Variants in RNF180 observed in about 807,000 individuals in gnomAD.
RNF180 encodes the protein E3 ubiquitin-protein ligase RNF180.
In RNF180, 38 loss-of-function variants were observed where a neutral mutation model predicts 59.2. That is an observed-to-expected ratio of 0.64 (90% confidence interval 0.50 to 0.84). RNF180 has a LOEUF of 0.84. Among genes scored for constraint, RNF180 ranks in the 40% least tolerant of loss-of-function variants. The pLI is 0.00. For missense variants in RNF180, 705 were observed against 700.9 expected (o/e 1.01, Z -0.07); for synonymous variants, 262 against 240.3 (o/e 1.09, Z -0.84).
At position 64,315,622 on chromosome 5, in the gene RNF180, T is replaced by C. The variant is rs551110009; in HGVS notation, c.1228-9564T>C. Among the ~76,000 whole-genome samples, 7 of 147,374 alleles carry C rather than the reference T, an allele frequency of 4.7e-5. No individual in the cohort carries two copies. The East Asian group carries it at 1.4e-3, about 30-fold the overall frequency. On this transcript the variant is annotated intron_variant, in intron 5 of 7. Transcript: ENST00000389100. ...AGCCAGGCATAGTGGTGCATGCCTG[T>C]AATCCCAGCTATTTAGGAGGCTGAG...
At chr5:64,181,209 C>T (rs1750560390) in intron 1 of RNF180, among the ~76,000 whole-genome samples, 1 of 152,176 alleles carries the variant, frequency 6.6e-6, no homozygotes, top group East Asian at 1.9e-4. Context: ...GTGAGTCTGT[C>T]TGTCTTTCCC....
intron 5 of RNF180, among the ~76,000 whole-genome samples, chr5:64,307,628 A>T (rs1165611159): frequency 6.6e-6 from 1 of 151,690 alleles, no homozygotes; most frequent in East Asian, 1.9e-4. Context: ...TAAGTCAAAA[A>T]TGTATTTAAT....
At chr5:64,238,194 AG>A (rs1742568280) in intron 5 of RNF180, among the ~76,000 whole-genome samples, 4 of 152,190 alleles carry the variant, frequency 2.6e-5, no homozygotes, top group Non-Finnish European at 5.9e-5. Context: ...AAGGCTGTAT[AG>A]TACCCATTAT....
chr5:64,303,514 G>T (rs1192905365), intron 5 of RNF180, among the ~76,000 whole-genome samples: 1 of 151,592 alleles, frequency 6.6e-6, no homozygotes, highest in Non-Finnish European at 1.5e-5. Context: ...GGAAAAAACA[G>T]CCCCATTGCT....
At chr5:64,320,240 A>G (rs932685328) in intron 5 of RNF180, among the ~76,000 whole-genome samples, 3 of 152,260 alleles carry the variant, frequency 2.0e-5, no homozygotes, top group African/African-American at 7.2e-5. Context: ...TCCACTTCCC[A>G]TGTAAAGAAA....
intron 7 of RNF180, among the ~76,000 whole-genome samples, chr5:64,365,127 C>T (rs1412564626): frequency 6.6e-6 from 1 of 151,418 alleles, no homozygotes; most frequent in Admixed American, 6.6e-5. Flanking sequence ...TCTTGCTTCT[C>T]TAGTTGTAAT....
intron 5 of RNF180, among the ~76,000 whole-genome samples, chr5:64,245,342 A>G (rs779767626): frequency 3.3e-5 from 5 of 152,252 alleles, no homozygotes; most frequent in Non-Finnish European, 7.3e-5. Flanking sequence ...TAAAGAGTCT[A>G]GACCCATCAG....
At chr5:64,181,251 G>A (rs1750563208) in intron 1 of RNF180, among the ~76,000 whole-genome samples, 1 of 152,064 alleles carries the variant, frequency 6.6e-6, no homozygotes, top group Admixed American at 6.6e-5. Context: ...ATCTCCTTTG[G>A]TAACACCCTC....
Position 64,370,871 on chromosome 5 carries a change from T to G in RNF180, c.*1057T>G, listed in dbSNP as rs1379596486. 6.6e-6 allele frequency: 1 copy of G among 151,666 alleles called. No individual in the cohort carries two copies. The highest frequency in any genetic ancestry group is 1.5e-5 in the Non-Finnish European group (1 of 67,740). 9.4% of individuals were successfully genotyped at this position (151,666 alleles called of 1,614,324 possible). A position where few individuals can be genotyped will look rare whatever the true frequency, so the allele number is the denominator to read the frequency against. On this transcript the variant is annotated 3_prime_UTR_variant, in exon 8 of 8. Transcript: ENST00000389100. ...TCTTTGTGAAACCTGGGACAAAGTT[T>G]TTATTATGAATTACTAATCCAGTAT...
At chr5:64,191,649 T>G (rs1050854602) in intron 1 of RNF180, among the ~76,000 whole-genome samples, 4 of 152,248 alleles carry the variant, frequency 2.6e-5, no homozygotes, top group African/African-American at 9.6e-5. Flanking sequence ...TTTAATTGGC[T>G]TATGTTTTGC....
intron 5 of RNF180, among the ~76,000 whole-genome samples, chr5:64,233,235 C>T (rs1194990343): frequency 2.0e-5 from 3 of 152,144 alleles, no homozygotes; most frequent in African/African-American, 4.8e-5. Context: ...ATGGATCTTA[C>T]ATAAGTACCC....
intron 5 of RNF180, among the ~76,000 whole-genome samples, chr5:64,246,739 G>T (rs184614374): frequency 6.6e-6 from 1 of 152,314 alleles, no homozygotes; most frequent in East Asian, 1.9e-4. Context: ...GAAAAAGAGG[G>T]ATTCCTCCCA....
At chr5:64,285,021 G>T (rs1742207594) in intron 5 of RNF180, among the ~76,000 whole-genome samples, 1 of 152,108 alleles carries the variant, frequency 6.6e-6, no homozygotes, top group Admixed American at 6.5e-5. Context: ...TGCCTTTGAG[G>T]GTCTGATCAT....
chr5:64,281,785 C>T (rs1297745368), intron 5 of RNF180, among the ~76,000 whole-genome samples: 14 of 152,136 alleles, frequency 9.2e-5, no homozygotes, highest in African/African-American at 3.1e-4. Flanking sequence ...TCTAAGCCAC[C>T]GTGCCTCGCT....
In RNF180 at chr5:64,204,119, C is replaced by T. The variant is rs753919747; in HGVS notation, c.135+3177C>T. ...CTGTTTTTACTCAGTATCACCATGT[C>T]GAGTGTAGATTTAGTTCATTTTCAC... On this transcript the variant is annotated intron_variant, in intron 2 of 7. Coordinates refer to ENST00000389100, the MANE Select transcript of RNF180 (RefSeq NM_001113561.2). Among the ~76,000 whole-genome samples, 64 of 152,204 alleles carry T rather than the reference C, an allele frequency of 4.2e-4. 1 individual carries two copies. The highest frequency in any genetic ancestry group is 1.0e-3 in the South Asian group (5 of 4,824).
At position 64,320,767 on chromosome 5, in the gene RNF180, G is replaced by A. The variant is rs1321158899; in HGVS notation, c.1228-4419G>A. ...AAATGGTCTAATTAAGGCTGGGCGCGATGGCTCACGCCTGTAATCCCAGAA... is the reference window on the plus strand; with the variant it reads ...AAATGGTCTAATTAAGGCTGGGCGCAATGGCTCACGCCTGTAATCCCAGAA... On this transcript the variant is annotated intron_variant, in intron 5 of 7. Coordinates refer to ENST00000389100, the MANE Select transcript of RNF180 (RefSeq NM_001113561.2). Among the ~76,000 whole-genome samples, 7 of 152,198 alleles carry A rather than the reference G, an allele frequency of 4.6e-5. 1 individual carries two copies. Among genetic ancestry groups the A allele is most frequent in the Admixed American group, 3.3e-4 (5 of 15,286 alleles).
At chr5:64,361,923 G>A (rs1285178083) in intron 7 of RNF180, among the ~76,000 whole-genome samples, 2 of 150,798 alleles carry the variant, frequency 1.3e-5, no homozygotes, top group Non-Finnish European at 3.0e-5. Flanking sequence ...GTATTTGGTG[G>A]ACAAAAAAAA....
chr5:64,310,941 A>G (rs1319279356), intron 5 of RNF180, among the ~76,000 whole-genome samples: 1 of 151,962 alleles, frequency 6.6e-6, no homozygotes, highest in Non-Finnish European at 1.5e-5. Flanking sequence ...TATATAATCT[A>G]GCTAAGGACC....
At chr5:64,250,134 G>A (rs1231958921) in intron 5 of RNF180, among the ~76,000 whole-genome samples, 1 of 152,136 alleles carries the variant, frequency 6.6e-6, no homozygotes, top group Non-Finnish European at 1.5e-5. Context: ...TCCATGTAGT[G>A]TAAAACCAGA....
Sources: gnomAD v4.1 joint callset for allele counts (sites outside exome capture counted in the v4.1 genomes callset) on GRCh38, gnomAD v4.1.1 for gene constraint, MANE v1.5 for transcripts, NCBI Gene and HGNC (gene_info 2026-07-23, HGNC 2026-07-21) for gene names.